Variants in SPATA24 observed in about 807,000 individuals in gnomAD.
SPATA24 encodes the protein spermatogenesis-associated protein 24.
A neutral mutation model predicts 28.9 loss-of-function variants in SPATA24; 21 were observed. The observed-to-expected ratio is 0.73, with a 90% CI of 0.52 to 1.05. The LOEUF is 1.05. Among genes scored for constraint, SPATA24 ranks in the 50% least tolerant of loss-of-function variants. The probability of loss-of-function intolerance (pLI) is 0.00; values close to 1 mark genes in which losing one functional copy is unlikely to be tolerated. For synonymous variants in SPATA24, 76 were observed against 89.9 expected (o/e 0.85, Z 0.88); for missense variants, 215 against 242.9 (o/e 0.88, Z 0.76).
downstream of SPATA24, chr5:139,394,153 T>G (rs978182269): frequency 6.5e-7 from 1 of 1,545,960 alleles, no homozygotes. Flanking sequence ...CCTCGGGGCC[T>G]TGGCGGGGGC....
chr5:139,402,602 A>T, intron 2 of SPATA24, 26 bp downstream of exon 2: 1 of 1,546,884 alleles, frequency 6.5e-7, no homozygotes, highest in Non-Finnish European at 8.8e-7. Context: ...GGGGAAGATT[A>T]GGAGACCGCA....
downstream of SPATA24, chr5:139,394,156 G>C (rs1758649415): frequency 6.5e-7 from 1 of 1,546,206 alleles, no homozygotes; most frequent in Non-Finnish European, 8.7e-7. Context: ...CGGGGCCTTG[G>C]CGGGGGCCGA....
intron 4 of SPATA24, among the ~76,000 whole-genome samples, chr5:139,401,116 G>A (rs558424566): frequency 1.1e-4 from 17 of 152,008 alleles, no homozygotes; most frequent in South Asian, 4.2e-4. Flanking sequence ...GTGTGCCACC[G>A]CACTCCAACC....
chr5:139,403,804 C>A lies in SPATA24; in HGVS notation c.117+140G>T, dbSNP rs564482564. The stretch of plus-strand genomic sequence containing the variant: ...CGCCCCTTTTTGGCTCCACCCCTAC[C>A]GACTGAGCCCGGCCTCCTCCTGATG... On this transcript the variant is annotated intron_variant, in intron 1 of 5. Transcript: ENST00000450845. 12 of 699,560 alleles carry A rather than the reference C, an allele frequency of 1.7e-5. No homozygotes were observed. In the East Asian group the frequency reaches 2.8e-4, roughly 16 times the overall value. 43.3% of individuals were successfully genotyped at this position (699,560 alleles called of 1,614,324 possible). A position where few individuals can be genotyped will look rare whatever the true frequency, so the allele number is the denominator to read the frequency against.
intron 1 of SPATA24, among the ~76,000 whole-genome samples, chr5:139,403,739 T>C (rs1480716958): frequency 2.0e-5 from 3 of 152,240 alleles, no homozygotes; most frequent in Admixed American, 2.0e-4. Flanking sequence ...AGGGAGAATA[T>C]GGCTTGATTT....
At chr5:139,401,057 T>A (rs952593567) in intron 4 of SPATA24, among the ~76,000 whole-genome samples, 4 of 152,058 alleles carry the variant, frequency 2.6e-5, no homozygotes, top group African/African-American at 9.7e-5. Context: ...CTCGGGAGGC[T>A]GCGGCAGAAG....
At chr5:139,393,048 G>A (rs1758626846), downstream of SPATA24, 3 of 1,533,576 alleles carry the variant, frequency 2.0e-6, no homozygotes, top group African/African-American at 1.4e-5. Context: ...CGGAAGTGTA[G>A]TGAGCCGGGG....
At chr5:139,401,088 T>C (rs1034179575) in intron 4 of SPATA24, among the ~76,000 whole-genome samples, 2 of 152,174 alleles carry the variant, frequency 1.3e-5, no homozygotes, top group African/African-American at 4.8e-5. Flanking sequence ...ACCCAGGAGA[T>C]GGAGGTTGCA....
At chr5:139,395,324 A>T (rs1239215473), downstream of SPATA24, 4 of 399,934 alleles carry the variant, frequency 1.0e-5, no homozygotes, top group Non-Finnish European at 8.7e-6. Flanking sequence ...GTGGGCTCCA[A>T]GCTTTGGCTG....
At chr5:139,393,809 C>A (rs1399160658), downstream of SPATA24, 10 of 1,551,322 alleles carry the variant, frequency 6.4e-6, no homozygotes, top group Non-Finnish European at 8.7e-6. Context: ...GGGCTACTCA[C>A]CCTCCGAGTA....
Position 139,402,648 on chromosome 5 carries a change from C to T in SPATA24, c.163G>A (p.Ala55Thr), listed in dbSNP as rs192704505. 7.1e-3 allele frequency: 10,972 copies of T among 1,551,774 alleles called. 54 individuals are homozygous for T. The highest frequency in any genetic ancestry group is 0.021 in the Middle Eastern group (127 of 5,996). ...CTTACCACCAGCTTCTTCTCCACTG[C>T]CTGGAACTCTTCTTTACTGACAAAA... ...ENFVSKEEFQ[A>T]VEKKLVEEKA... The change falls in exon 2 of 6, where the codon GCA becomes ACA. Residue 55 changes from alanine to threonine, a missense_variant. Transcript: ENST00000450845.
chr5:139,395,083 G>C (rs1758675445), downstream of SPATA24: 2 of 1,399,870 alleles, frequency 1.4e-6, no homozygotes, highest in Non-Finnish European at 1.9e-6. Context: ...GGTCAGCATG[G>C]TGGGGCCGGA....
chr5:139,395,282 C>T (rs1269119709), downstream of SPATA24: 4 of 445,528 alleles, frequency 9.0e-6, no homozygotes, highest in Non-Finnish European at 1.5e-5. Flanking sequence ...CCCAACTAAC[C>T]CCCTTCTCAG....
downstream of SPATA24, chr5:139,392,817 G>T (rs1362411621): frequency 4.6e-6 from 7 of 1,516,568 alleles, no homozygotes; most frequent in Admixed American, 1.3e-4. The surrounding 1 kb of genome is among the most constrained non-coding windows in gnomAD (Gnocchi z 5.8). Context: ...CTCCTCCAGG[G>T]CCGCGCGCTC....
At chr5:139,402,396 T>C (rs1388594260) in intron 2 of SPATA24, among the ~76,000 whole-genome samples, 2 of 150,380 alleles carry the variant, frequency 1.3e-5, no homozygotes, top group South Asian at 4.2e-4. Flanking sequence ...TATATATATA[T>C]GTATATATAT....
At chr5:139,396,958 G>A in intron 5 of SPATA24, 29 bp from the exon 6 acceptor site, 1 of 1,551,576 alleles carries the variant, frequency 6.4e-7, no homozygotes, top group Non-Finnish European at 8.7e-7. Context: ...GTGGTGGGCT[G>A]TGGACAGCCA....
downstream of SPATA24, chr5:139,392,744 C>G (rs931689220): frequency 7.0e-7 from 1 of 1,420,382 alleles, no homozygotes; most frequent in Non-Finnish European, 9.2e-7. This position sits in a 1 kb window ranked among gnomAD's most constrained non-coding sequence, Gnocchi z 5.8. Flanking sequence ...CGGGCGCCGC[C>G]TAGAGGGCTG....
downstream of SPATA24, chr5:139,393,882 T>G (rs1310801021): frequency 6.5e-7 from 1 of 1,549,620 alleles, no homozygotes; most frequent in African/African-American, 1.4e-5. Context: ...CAGCCCCATT[T>G]GGAGTCTGCC....
downstream of SPATA24, chr5:139,392,653 G>T: frequency 1.4e-6 from 2 of 1,389,326 alleles, no homozygotes. This position sits in a 1 kb window ranked among gnomAD's most constrained non-coding sequence, Gnocchi z 5.8. Flanking sequence ...CCCAGGGCTC[G>T]GGCTGGCTTG....
Sources: gnomAD v4.1 joint callset for allele counts (sites outside exome capture counted in the v4.1 genomes callset) on GRCh38, gnomAD v4.1.1 for gene constraint, Gnocchi (gnomAD v3.1) non-coding constraint, MANE v1.5 for transcripts, NCBI Gene and HGNC (gene_info 2026-07-23, HGNC 2026-07-21) for gene names.